Variants in FBLN7 observed in about 807,000 individuals in gnomAD.
FBLN7 encodes the protein fibulin 7.
A neutral mutation model predicts 44.0 loss-of-function variants in FBLN7; 31 were observed. The observed-to-expected ratio is 0.70, with a 90% CI of 0.53 to 0.95. The LOEUF is 0.95. Ranked by LOEUF, FBLN7 falls within the 40% of genes least tolerant of loss-of-function variation. The pLI, the probability that FBLN7 is intolerant of heterozygous loss-of-function variation, is 0.00. For missense variants in FBLN7, 573 were observed against 618.5 expected (o/e 0.93, Z 0.78); for synonymous variants, 262 against 253.4 (o/e 1.03, Z -0.32).
chr2:112,187,273 C>T lies in FBLN7; in HGVS notation c.1087C>T (p.Pro363Ser). ...CTTCCGCATGGCCACAGCCTCTGCC[C>T]CCGGCCGAGCTGGGCCCAACAGCCT... ...TLFRMATASA[P>S]GRAGPNSLRF... is the part of the protein sequence containing the mutation. Residue 363 changes from proline to serine, a missense_variant, in exon 8 of 8, where the codon CCC becomes TCC. Physicochemically the swap from Pro to Ser is moderately conservative, Grantham distance 74. Transcript: ENST00000331203. This position sits in a 1 kb window ranked among gnomAD's most constrained non-coding sequence, Gnocchi z 5.1. 6.2e-7 allele frequency: 1 copy of T among 1,614,174 alleles called. No individual in the cohort carries two copies. The highest frequency in any genetic ancestry group is 8.5e-7 in the Non-Finnish European group (1 of 1,180,046).
At chr2:112,221,089 GA>G in the FBLN7 span, among the ~76,000 whole-genome samples, 1 of 152,284 alleles carries the variant, frequency 6.6e-6, no homozygotes, top group Non-Finnish European at 1.5e-5. Flanking sequence ...TTCAGGGACG[GA>G]AATGAGTCAT....
intron 1 of FBLN7, among the ~76,000 whole-genome samples, chr2:112,147,878 C>T (rs1004335316): frequency 1.3e-5 from 2 of 152,064 alleles, no homozygotes; most frequent in Admixed American, 6.5e-5. Flanking sequence ...ATCATGATCC[C>T]GGGTCGTAGG....
chr2:112,140,401 G>A (rs910258845), intron 1 of FBLN7, among the ~76,000 whole-genome samples: 2 of 152,254 alleles, frequency 1.3e-5, no homozygotes, highest in African/African-American at 4.8e-5. Context: ...GGGGACCCGG[G>A]CTTGCCACTT....
At chr2:112,217,537 C>T in the FBLN7 span, among the ~76,000 whole-genome samples, 3 of 152,106 alleles carry the variant, frequency 2.0e-5, no homozygotes, top group Non-Finnish European at 4.4e-5. Context: ...ATGTATAATT[C>T]TGTCATATTG....
At chr2:112,210,775 A>G in the FBLN7 span, among the ~76,000 whole-genome samples, 2 of 152,002 alleles carry the variant, frequency 1.3e-5, no homozygotes. Flanking sequence ...GTGTACATTT[A>G]TACATACACA....
At chr2:112,168,522 C>T (rs1682286273) in intron 3 of FBLN7, among the ~76,000 whole-genome samples, 1 of 152,234 alleles carries the variant, frequency 6.6e-6, no homozygotes, top group Non-Finnish European at 1.5e-5. Flanking sequence ...CACTTCTGTT[C>T]TCAGCAGGAA....
the FBLN7 span, among the ~76,000 whole-genome samples, chr2:112,210,763 G>A: frequency 2.0e-5 from 3 of 150,436 alleles, no homozygotes; most frequent in South Asian, 2.1e-4. Flanking sequence ...AGATGTAAAT[G>A]TGTGTACATT....
chr2:112,192,402 T>TG (rs1428969578), downstream of FBLN7, among the ~76,000 whole-genome samples: 4 of 151,688 alleles, frequency 2.6e-5, no homozygotes, highest in Non-Finnish European at 5.9e-5. Flanking sequence ...GAGGCCTGAG[T>TG]GGAGGGGTAT....
At chr2:112,146,886 G>A (rs540104453) in intron 1 of FBLN7, among the ~76,000 whole-genome samples, 1 of 152,152 alleles carries the variant, frequency 6.6e-6, no homozygotes, top group Non-Finnish European at 1.5e-5. Context: ...TAGAACTTAG[G>A]AAGAAAGGAT....
intron 3 of FBLN7, among the ~76,000 whole-genome samples, chr2:112,169,368 G>T (rs1340785531): frequency 6.6e-6 from 1 of 152,180 alleles, no homozygotes; most frequent in Non-Finnish European, 1.5e-5. Flanking sequence ...GCAGCCACTT[G>T]GCTTTCTCCA....
rs570002460 is a variant in FBLN7 at position 112,187,509 on chromosome 2, G to C, written c.*3G>C. Reference sequence around the variant, plus strand: ...TTGTATCCCCCTATGACTTCTGAGGGTACACAGGGGCACTGGGGTGTGGAG... The same window carrying C: ...TTGTATCCCCCTATGACTTCTGAGGCTACACAGGGGCACTGGGGTGTGGAG... On this transcript the variant is annotated 3_prime_UTR_variant, in exon 8 of 8. Coordinates refer to ENST00000331203, the MANE Select transcript of FBLN7 (RefSeq NM_153214.3). The surrounding 1 kb of genome is among the most constrained non-coding windows in gnomAD (Gnocchi z 5.1). 1 of 1,613,536 alleles carries C rather than the reference G, an allele frequency of 6.2e-7. No individual in the cohort carries two copies. The highest frequency in any genetic ancestry group is 1.7e-5 in the Admixed American group (1 of 59,986).
chr2:112,177,009 C>G (rs1314202048), intron 4 of FBLN7: 2 of 151,582 alleles, frequency 1.3e-5, no homozygotes, highest in African/African-American at 4.9e-5. Context: ...CATCTCAGCT[C>G]ACTGCAACCT....
At chr2:112,148,111 G>A (rs908450817) in intron 1 of FBLN7, among the ~76,000 whole-genome samples, 1 of 152,208 alleles carries the variant, frequency 6.6e-6, no homozygotes, top group Non-Finnish European at 1.5e-5. Flanking sequence ...GCTGAAGGGT[G>A]GAAAAATGAA....
chr2:112,160,836 G>GCACATGCGCGCACA, intron 2 of FBLN7, among the ~76,000 whole-genome samples: 1 of 121,790 alleles, frequency 8.2e-6, no homozygotes, highest in Non-Finnish European at 1.8e-5. Context: ...ACGCATACAC[G>GCACATGCGCGCACA]CACGCACACG....
chr2:112,236,575 C>T, the FBLN7 span: 2,103 of 1,613,464 alleles, frequency 1.3e-3, 21 homozygotes, highest in African/African-American at 0.025. Flanking sequence ...TTCCTGTGAG[C>T]CGCTGTTCCT....
the FBLN7 span, among the ~76,000 whole-genome samples, chr2:112,203,217 A>C: frequency 6.6e-6 from 1 of 152,172 alleles, no homozygotes; most frequent in South Asian, 2.1e-4. Context: ...GGTACTTCTC[A>C]TGCAGGAAGT....
chr2:112,203,702 G>A, the FBLN7 span, among the ~76,000 whole-genome samples: 1 of 152,170 alleles, frequency 6.6e-6, no homozygotes, highest in Non-Finnish European at 1.5e-5. Context: ...CTGAGACTGG[G>A]AAGAAAAAGA....
chr2:112,142,302 T>C (rs1680686182), intron 1 of FBLN7, among the ~76,000 whole-genome samples: 1 of 152,214 alleles, frequency 6.6e-6, no homozygotes, highest in South Asian at 2.1e-4. Context: ...TCTCTGCCCC[T>C]GTATTTCCTG....
chr2:112,138,515 C>T lies in FBLN7; in HGVS notation c.-141C>T. ...GGGACGCGCTGCGCTCGGGGCCTCC[C>T]GCCTCCCCCCCTGCCCCAGCCGCCC... is the stretch of plus-strand genomic sequence containing the variant. On this transcript the variant is annotated 5_prime_UTR_variant, in exon 1 of 8. Transcript: ENST00000331203. 3.4e-6 allele frequency: 4 copies of T among 1,172,466 alleles called. No individual in the cohort carries two copies. Among genetic ancestry groups the T allele is most frequent in the South Asian group, 1.7e-5 (1 of 58,236 alleles). 72.6% of individuals were successfully genotyped at this position (1,172,466 alleles called of 1,614,324 possible).
Sources: gnomAD v4.1 joint callset for allele counts (sites outside exome capture counted in the v4.1 genomes callset) on GRCh38, gnomAD v4.1.1 for gene constraint, Gnocchi (gnomAD v3.1) non-coding constraint, MANE v1.5 for transcripts, NCBI Gene and HGNC (gene_info 2026-07-23, HGNC 2026-07-21) for gene names.